Variants in CDH12 observed in about 807,000 individuals in gnomAD.
CDH12 encodes cadherin 12.
Under a neutral mutation model 74.1 loss-of-function variants are expected in CDH12, and 41 were observed. The observed-to-expected ratio is 0.55, with a 90% CI of 0.43 to 0.72. The LOEUF is 0.72. Among genes scored for constraint, CDH12 ranks in the 30% least tolerant of loss-of-function variants. The probability of loss-of-function intolerance (pLI) is 0.00; values close to 1 mark genes in which losing one functional copy is unlikely to be tolerated. For missense variants in CDH12, 945 were observed against 977.2 expected (o/e 0.97, Z 0.44); for synonymous variants, 399 against 355.0 (o/e 1.12, Z -1.39).
At chr5:22,414,426 T>C (rs1743296114) in intron 2 of CDH12, among the ~76,000 whole-genome samples, 1 of 151,950 alleles carries the variant, frequency 6.6e-6, no homozygotes, top group African/African-American at 2.4e-5. Context: ...AAGTAAAATT[T>C]TTCCTTCCAC....
intron 2 of CDH12, among the ~76,000 whole-genome samples, chr5:22,495,830 G>A (rs1747085943): frequency 6.6e-6 from 1 of 152,138 alleles, no homozygotes; most frequent in Non-Finnish European, 1.5e-5. Context: ...TTCTTGAAGT[G>A]GAAGGGGATC....
intron 1 of CDH12, among the ~76,000 whole-genome samples, chr5:22,793,189 C>T (rs191621208): frequency 9.2e-4 from 140 of 152,338 alleles, no homozygotes; most frequent in African/African-American, 3.1e-3. Context: ...CTCCAACACA[C>T]GCTATTCCTA....
intron 4 of CDH12, among the ~76,000 whole-genome samples, chr5:22,157,849 C>A (rs1580338571): frequency 6.6e-6 from 1 of 151,930 alleles, no homozygotes; most frequent in South Asian, 2.1e-4. Flanking sequence ...AAGCATGGGT[C>A]TATTTGCAAA....
chr5:22,398,617 C>T (rs1742571277), intron 3 of CDH12, among the ~76,000 whole-genome samples: 1 of 152,146 alleles, frequency 6.6e-6, no homozygotes, highest in African/African-American at 2.4e-5. Context: ...TCTTTTCCCC[C>T]ACAACTACCT....
chr5:22,769,400 G>A (rs1312420913), intron 1 of CDH12, among the ~76,000 whole-genome samples: 2 of 152,036 alleles, frequency 1.3e-5, no homozygotes, highest in Non-Finnish European at 2.9e-5. Context: ...TTTGGCCTTT[G>A]GGCTCTTGGA....
At chr5:22,582,573 C>T (rs1366341130) in intron 1 of CDH12, among the ~76,000 whole-genome samples, 1 of 152,130 alleles carries the variant, frequency 6.6e-6, no homozygotes, top group Non-Finnish European at 1.5e-5. Context: ...GCCTCCACTG[C>T]CCAACATCTT....
intron 2 of CDH12, among the ~76,000 whole-genome samples, chr5:22,415,476 T>C (rs1428001605): frequency 6.6e-6 from 1 of 152,194 alleles, no homozygotes; most frequent in Non-Finnish European, 1.5e-5. Flanking sequence ...TCAATGAAAA[T>C]GACAGTAACA....
intron 2 of CDH12, among the ~76,000 whole-genome samples, chr5:22,415,017 CAT>C (rs1743322196): frequency 6.6e-6 from 1 of 152,050 alleles, no homozygotes; most frequent in South Asian, 2.1e-4. Context: ...TATCAGCTCA[CAT>C]ATAGGGTGGA....
At chr5:21,961,662 C>T (rs973092346) in intron 6 of CDH12, among the ~76,000 whole-genome samples, 3 of 152,024 alleles carry the variant, frequency 2.0e-5, no homozygotes, top group Non-Finnish European at 2.9e-5. Context: ...CACAAAAATG[C>T]CACCAGAAAG....
chr5:21,831,365 A>C (rs911990987), intron 8 of CDH12, among the ~76,000 whole-genome samples: 2 of 152,190 alleles, frequency 1.3e-5, no homozygotes, highest in African/African-American at 4.8e-5. Context: ...TCTTCTAAAA[A>C]TGTACAAATA....
chr5:22,238,244 A>G (rs1003377605), intron 3 of CDH12, among the ~76,000 whole-genome samples: 1 of 152,214 alleles, frequency 6.6e-6, no homozygotes, highest in African/African-American at 2.4e-5. Flanking sequence ...AACAGTAGGC[A>G]AACATTGCCA....
chr5:22,357,564 TG>T (rs1740617436), intron 3 of CDH12, among the ~76,000 whole-genome samples: 1 of 152,198 alleles, frequency 6.6e-6, no homozygotes, highest in Non-Finnish European at 1.5e-5. Flanking sequence ...CATATTAGTC[TG>T]TTTTTGTATT....
chr5:21,959,229 A>C (rs1243382211), intron 6 of CDH12, among the ~76,000 whole-genome samples: 3 of 152,256 alleles, frequency 2.0e-5, no homozygotes, highest in African/African-American at 2.4e-5. Flanking sequence ...ATATAGAATC[A>C]TGTCAGCTTC....
intron 3 of CDH12, among the ~76,000 whole-genome samples, chr5:22,279,046 C>T (rs1235164365): frequency 6.6e-6 from 1 of 152,052 alleles, no homozygotes; most frequent in East Asian, 1.9e-4. Context: ...ATAAATGTAA[C>T]ATATATTATA....
intron 1 of CDH12, among the ~76,000 whole-genome samples, chr5:22,738,185 A>C (rs891424439): frequency 4.6e-5 from 7 of 152,118 alleles, no homozygotes; most frequent in Admixed American, 3.3e-4. Flanking sequence ...AGCAGAATCT[A>C]TCTCCATGAC....
chr5:21,769,071 T>C (rs1256867621), intron 11 of CDH12, among the ~76,000 whole-genome samples: 1 of 152,050 alleles, frequency 6.6e-6, no homozygotes, highest in Non-Finnish European at 1.5e-5. Flanking sequence ...CCCTAGTCCA[T>C]TCGTGATAAA....
At chr5:22,374,950 A>G (rs1311604093) in intron 3 of CDH12, among the ~76,000 whole-genome samples, 2 of 152,276 alleles carry the variant, frequency 1.3e-5, no homozygotes, top group South Asian at 4.1e-4. Context: ...AGAATTAAAA[A>G]AAATCCTAAA....
At chr5:22,700,524 A>G (rs1742661890) in intron 1 of CDH12, among the ~76,000 whole-genome samples, 1 of 152,354 alleles carries the variant, frequency 6.6e-6, no homozygotes, top group South Asian at 2.1e-4. Flanking sequence ...TATGAAATGC[A>G]TGATGAAATA....
intron 2 of CDH12, among the ~76,000 whole-genome samples, chr5:22,475,796 A>T: frequency 6.6e-6 from 1 of 152,102 alleles, no homozygotes; most frequent in Non-Finnish European, 1.5e-5. Flanking sequence ...AAGAAACAAG[A>T]TATTCTAAAT....
Sources: allele counts gnomAD v4.1 joint callset (sites outside exome capture counted in the v4.1 genomes callset), GRCh38; gene constraint gnomAD v4.1.1; transcripts MANE v1.5; gene names NCBI Gene and HGNC (gene_info 2026-07-23, HGNC 2026-07-21).